The following ANO4 variants were observed in gnomAD, a reference collection of about 807,000 sequenced individuals.
ANO4 encodes the protein anoctamin 4, also known as anoctamin-4.
ANO4 carries 69 observed loss-of-function variants against 141.9 expected under a neutral mutation model. That is an observed-to-expected ratio of 0.49 (90% CI 0.40 to 0.59). ANO4 has a LOEUF of 0.59. ANO4 is among the 20% of genes least tolerant of loss of function. The probability of loss-of-function intolerance (pLI) is 0.00; values close to 1 mark genes in which losing one functional copy is unlikely to be tolerated. For synonymous variants in ANO4, 350 were observed against 394.3 expected (o/e 0.89, Z 1.33); for missense variants, 894 against 1,162.2 (o/e 0.77, Z 3.36).
intron 3 of ANO4, among the ~76,000 whole-genome samples, chr12:100,752,327 T>C (rs1353553985): frequency 6.6e-6 from 1 of 152,144 alleles, no homozygotes; most frequent in East Asian, 1.9e-4. Flanking sequence ...TGTGACCTAC[T>C]ACTACTACTA....
At chr12:100,995,024 C>T (rs1489126610) in intron 8 of ANO4, among the ~76,000 whole-genome samples, 1 of 151,412 alleles carries the variant, frequency 6.6e-6, no homozygotes, top group Non-Finnish European at 1.5e-5. Flanking sequence ...TATCCAGCCT[C>T]AAAAGTCACT....
intron 2 of ANO4, among the ~76,000 whole-genome samples, chr12:100,736,443 T>C (rs919246221): frequency 2.0e-5 from 3 of 152,112 alleles, no homozygotes; most frequent in African/African-American, 7.2e-5. Flanking sequence ...TGAGGACATA[T>C]GAGAGTAAGA....
At chr12:100,770,859 A>G (rs1471601626) in intron 3 of ANO4, among the ~76,000 whole-genome samples, 2 of 144,358 alleles carry the variant, frequency 1.4e-5, no homozygotes, top group East Asian at 2.1e-4. Context: ...AGGGGCAGGG[A>G]CTCTGTTTTA....
chr12:101,111,658 G>A lies in ANO4; in HGVS notation c.2398G>A (p.Val800Met). 6.2e-7 allele frequency: 1 copy of A among 1,613,178 alleles called. No individual in the cohort carries two copies. Among genetic ancestry groups the A allele is most frequent in the South Asian group, 1.1e-5 (1 of 90,894 alleles). ...AITSDFIPRL[V>M]YAYKYGPCAG... ...AACATCTGACTTTATCCCTCGCTTG[G>A]TGTATGCTTATAAGTATGGACCTTG... The change falls in exon 24 of 28, where the codon GTG becomes ATG. Residue 800 changes from valine to methionine, a missense_variant. By Grantham distance (21) the Val-to-Met change is conservative. Coordinates refer to ENST00000392977, the MANE Select transcript of ANO4 (RefSeq NM_001286615.2).
chr12:100,987,558 A>G lies in ANO4; in HGVS notation c.622A>G (p.Arg208Gly). The G allele has an allele frequency of 1.2e-6, 2 of 1,613,960 alleles. No individual in the cohort carries two copies. The highest frequency in any genetic ancestry group is 1.7e-6 in the Non-Finnish European group (2 of 1,179,926). The change falls in exon 8 of 28, where the codon AGG becomes GGG. Residue 208 changes from arginine (R) to glycine (G), a missense_variant. By Grantham distance (125) the Arg-to-Gly change is moderately radical. Coordinates refer to ENST00000392977, the MANE Select transcript of ANO4 (RefSeq NM_001286615.2). ...CCACAGGATCGATAAACAAATAAGCAGGTTTCGGAGATGGTTACCTAAGAA... is the reference window on the plus strand; with the variant it reads ...CCACAGGATCGATAAACAAATAAGCGGGTTTCGGAGATGGTTACCTAAGAA... ...FMSRIDKQIS[R>G]FRRWLPKKPM...
At chr12:101,085,882 C>G (rs2254698) in intron 16 of ANO4, among the ~76,000 whole-genome samples, 7,700 of 152,182 alleles carry the variant, frequency 0.051, 267 homozygotes, top group Non-Finnish European at 0.083. Flanking sequence ...ATGGAGCTTA[C>G]TTTCTAGTAG....
chr12:100,750,487 G>T (rs2032325646), intron 3 of ANO4, among the ~76,000 whole-genome samples: 1 of 152,190 alleles, frequency 6.6e-6, no homozygotes, highest in African/African-American at 2.4e-5. Context: ...TGCCCATGCT[G>T]TCAGTCATGG....
chr12:101,091,938 C>T (rs987416183), intron 17 of ANO4, among the ~76,000 whole-genome samples: 6 of 151,934 alleles, frequency 3.9e-5, no homozygotes, highest in African/African-American at 1.4e-4. Flanking sequence ...GGTTAAGGGG[C>T]ACTTAGTAGT....
At chr12:100,861,804 G>A (rs2138046) in intron 1 of ANO4, among the ~76,000 whole-genome samples, 118,617 of 152,172 alleles carry the variant, frequency 0.78, 46,564 homozygotes, top group Admixed American at 0.85. Context: ...TCCTTTCATT[G>A]CATTCTTATT....
chr12:100,812,381 A>G (rs1593398043), intron 1 of ANO4, among the ~76,000 whole-genome samples: 1 of 152,174 alleles, frequency 6.6e-6, no homozygotes, highest in African/African-American at 2.4e-5. Context: ...AAAACAGGCA[A>G]TATTTTATAG....
At chr12:101,005,067 A>G (rs371656612) in intron 8 of ANO4, among the ~76,000 whole-genome samples, 13 of 152,200 alleles carry the variant, frequency 8.5e-5, no homozygotes, top group East Asian at 7.7e-4. Flanking sequence ...CAGCTCATAT[A>G]AAAATGAGAC....
At chr12:101,041,719 A>G (rs2047418830) in intron 11 of ANO4, among the ~76,000 whole-genome samples, 1 of 152,230 alleles carries the variant, frequency 6.6e-6, no homozygotes, top group Non-Finnish European at 1.5e-5. Context: ...ATGCATAATT[A>G]GGTAAAATGT....
chr12:100,743,091 T>C (rs2031944692), intron 3 of ANO4, among the ~76,000 whole-genome samples: 1 of 152,096 alleles, frequency 6.6e-6, no homozygotes, highest in Non-Finnish European at 1.5e-5. Flanking sequence ...GAAAATTAAG[T>C]AAGGCATCAC....
chr12:100,782,461 C>T (rs1327549149), intron 3 of ANO4, among the ~76,000 whole-genome samples: 1 of 152,214 alleles, frequency 6.6e-6, no homozygotes, highest in African/African-American at 2.4e-5. Flanking sequence ...ACTTATTTGG[C>T]TTCTGCATCA....
intron 5 of ANO4, among the ~76,000 whole-genome samples, chr12:100,950,315 G>A (rs1329146224): frequency 6.6e-6 from 1 of 152,120 alleles, no homozygotes; most frequent in East Asian, 1.9e-4. Context: ...TCACACACTT[G>A]TATTACCAAG....
intron 9 of ANO4, among the ~76,000 whole-genome samples, chr12:101,022,906 A>T (rs2046589885): frequency 6.6e-6 from 1 of 151,910 alleles, no homozygotes; most frequent in Non-Finnish European, 1.5e-5. Context: ...TGCCCGGCTA[A>T]TTTTTTGTAT....
At chr12:100,871,998 G>C (rs1168267933) in intron 1 of ANO4, among the ~76,000 whole-genome samples, 3 of 152,044 alleles carry the variant, frequency 2.0e-5, no homozygotes, top group Admixed American at 2.0e-4. Flanking sequence ...AATCTTACCT[G>C]GTATGCCATT....
chr12:100,830,991 T>C (rs996457266), intron 1 of ANO4, among the ~76,000 whole-genome samples: 1 of 152,118 alleles, frequency 6.6e-6, no homozygotes, highest in Non-Finnish European at 1.5e-5. Context: ...GTGACTAGCG[T>C]AAAAATCTAT....
intron 7 of ANO4, among the ~76,000 whole-genome samples, chr12:100,983,415 G>A (rs1392327293): frequency 6.6e-6 from 1 of 152,220 alleles, no homozygotes; most frequent in African/African-American, 2.4e-5. Context: ...AGGAAGAGGA[G>A]GCTCAACTGG....
Sources: gnomAD v4.1 joint callset for allele counts (sites outside exome capture counted in the v4.1 genomes callset) on GRCh38, gnomAD v4.1.1 for gene constraint, MANE v1.5 for transcripts, NCBI Gene and HGNC (gene_info 2026-07-23, HGNC 2026-07-21) for gene names.